TFEC: variants seen among roughly 807,000 people sequenced by gnomAD.
TFEC encodes class E basic helix-loop-helix protein 34.
Under a neutral mutation model 41.6 loss-of-function variants are expected in TFEC, and 31 were observed. The observed-to-expected ratio is 0.74, with a 90% CI of 0.56 to 1.01. The LOEUF (loss-of-function observed/expected upper bound fraction) is 1.01, where lower values mean the gene tolerates loss of function less well. TFEC is among the 50% of genes least tolerant of loss of function. The pLI, the probability that TFEC is intolerant of heterozygous loss-of-function variation, is 0.00. For missense variants in TFEC, 402 were observed against 404.1 expected (o/e 0.99, Z 0.04); for synonymous variants, 143 against 140.6 (o/e 1.02, Z -0.12).
Position 116,122,591 on chromosome 7 carries a change from A to C in TFEC, c.-68-10553T>G, listed in dbSNP as rs1007517420. Among the ~76,000 whole-genome samples, 4 of 152,066 alleles carry C rather than the reference A, an allele frequency of 2.6e-5. No homozygotes were observed. The East Asian group carries it at 7.7e-4, about 29-fold the overall frequency. ...TCAACAAGCATTGGCAGTGTCTGCT[A>C]TGTACCAGGCCCTTTAGCAAGTTAT... On this transcript the variant is annotated intron_variant, in intron 1 of 8. Transcript: ENST00000484212.
rs191308462 is a variant in TFEC at position 115,993,380 on chromosome 7, T to G, written c.-72-8867A>C. On this transcript the variant is annotated intron_variant, in intron 1 of 7. Transcript: ENST00000265440. ...AGGACAAACAGGCAGGAGAAAGAAATAAAGGGTATTCAATTAGGAAAAGAG... is the reference window on the plus strand; with the variant it reads ...AGGACAAACAGGCAGGAGAAAGAAAGAAAGGGTATTCAATTAGGAAAAGAG... Among the ~76,000 whole-genome samples, 1,136 of 152,144 alleles carry G rather than the reference T, an allele frequency of 7.5e-3. 14 individuals are homozygous for G. Among genetic ancestry groups the G allele is most frequent in the African/African-American group, 0.025 (1,036 of 41,484 alleles).
intron 3 of TFEC, among the ~76,000 whole-genome samples, chr7:116,053,859 T>C (rs964362876): frequency 6.6e-6 from 1 of 152,224 alleles, no homozygotes; most frequent in Non-Finnish European, 1.5e-5. Context: ...GATATTTTGT[T>C]ATAAGCAACA....
intron 1 of TFEC, among the ~76,000 whole-genome samples, chr7:116,015,364 CT>C (rs908664238): frequency 9.2e-5 from 14 of 152,042 alleles, no homozygotes; most frequent in African/African-American, 3.1e-4. Flanking sequence ...AAAGTTCTCT[CT>C]TTTTCTCCCT....
chr7:116,030,526 A>G (rs1795754141), intron 1 of TFEC, 107 bp downstream of exon 1: 1 of 683,432 alleles, frequency 1.5e-6, no homozygotes. Flanking sequence ...AGATGAAATT[A>G]TAATTATAAG....
chr7:115,956,417 GTGTATATACATGTATATATGTA>G (rs1469482410), intron 4 of TFEC, among the ~76,000 whole-genome samples: 18 of 149,888 alleles, frequency 1.2e-4, no homozygotes, highest in Admixed American at 2.0e-4. Flanking sequence ...GTATATATGT[GTGTATATACATGTATATATGTA>G]TGTAAAACAT....
chr7:116,068,441 T>C (rs766698606), intron 3 of TFEC, among the ~76,000 whole-genome samples: 40 of 151,848 alleles, frequency 2.6e-4, no homozygotes, highest in African/African-American at 7.2e-4. Flanking sequence ...TAGGTAATGA[T>C]GAGGTAAAAA....
chr7:116,066,111 T>G (rs1796689016), intron 3 of TFEC, among the ~76,000 whole-genome samples: 1 of 152,204 alleles, frequency 6.6e-6, no homozygotes, highest in Admixed American at 6.6e-5. Context: ...GCCCTGCTTA[T>G]AGCCTAATGG....
chr7:116,144,695 A>T (rs942934562), intron 1 of TFEC, among the ~76,000 whole-genome samples: 1 of 152,152 alleles, frequency 6.6e-6, no homozygotes, highest in Non-Finnish European at 1.5e-5. Context: ...AAGAAAATTA[A>T]TCTCCATAAT....
intron 3 of TFEC, among the ~76,000 whole-genome samples, chr7:116,108,029 T>A (rs1797760759): frequency 6.6e-6 from 1 of 152,130 alleles, no homozygotes; most frequent in Admixed American, 6.6e-5. Context: ...AAAACAAAGA[T>A]TATAGAACTC....
upstream of TFEC, among the ~76,000 whole-genome samples, chr7:116,034,198 TA>T (rs1795855072): frequency 6.6e-6 from 1 of 152,126 alleles, no homozygotes; most frequent in African/African-American, 2.4e-5. Context: ...TGAAATGTCC[TA>T]AGTCTCAGCC....
At chr7:116,159,485 AT>A (rs375446649) in intron 1 of TFEC, among the ~76,000 whole-genome samples, 2 of 152,018 alleles carry the variant, frequency 1.3e-5, no homozygotes, top group African/African-American at 4.8e-5. Flanking sequence ...ATTTGAAACC[AT>A]TTTGCACAGT....
intron 3 of TFEC, among the ~76,000 whole-genome samples, chr7:116,081,298 C>T (rs941159432): frequency 4.7e-5 from 7 of 150,194 alleles, no homozygotes; most frequent in African/African-American, 1.7e-4. Flanking sequence ...GCACCAAAAT[C>T]TCAGAAATAA....
intron 3 of TFEC, among the ~76,000 whole-genome samples, chr7:116,046,263 TC>T (rs1796161726): frequency 6.6e-6 from 1 of 152,104 alleles, no homozygotes; most frequent in Non-Finnish European, 1.5e-5. Context: ...TTTGGCTGTG[TC>T]CCCACCCAAA....
At chr7:116,066,032 A>T (rs2131006350) in intron 3 of TFEC, among the ~76,000 whole-genome samples, 1 of 152,318 alleles carries the variant, frequency 6.6e-6, no homozygotes, top group East Asian at 1.9e-4. Flanking sequence ...AGCAGTGGAA[A>T]CAATTTAAAG....
intron 1 of TFEC, among the ~76,000 whole-genome samples, chr7:115,998,556 A>AC (rs1416774963): frequency 1.3e-5 from 2 of 152,004 alleles, no homozygotes; most frequent in Non-Finnish European, 2.9e-5. Flanking sequence ...AGTAAAAAAA[A>AC]ACACACAACA....
chr7:116,033,349 T>G (rs1034645351), upstream of TFEC, among the ~76,000 whole-genome samples: 3 of 152,150 alleles, frequency 2.0e-5, no homozygotes, highest in African/African-American at 7.2e-5. Context: ...AATACTTCAC[T>G]TCTCTTTGCC....
At chr7:115,983,624 C>A (rs903882740) in intron 2 of TFEC, among the ~76,000 whole-genome samples, 1 of 152,086 alleles carries the variant, frequency 6.6e-6, no homozygotes, top group Non-Finnish European at 1.5e-5. Flanking sequence ...CAGTTCTATT[C>A]ATACTTCAAC....
intron 1 of TFEC, among the ~76,000 whole-genome samples, chr7:116,021,909 G>A: frequency 6.6e-6 from 1 of 152,174 alleles, no homozygotes; most frequent in East Asian, 1.9e-4. Context: ...TTGTTTAAGA[G>A]AAACAAGTCA....
chr7:116,032,705 G>A (rs1412758224), upstream of TFEC, among the ~76,000 whole-genome samples: 1 of 152,058 alleles, frequency 6.6e-6, no homozygotes, highest in Non-Finnish European at 1.5e-5. Flanking sequence ...GGAGGAGTGA[G>A]AGGATCAGGA....
Sources: gnomAD v4.1 joint callset for allele counts (sites outside exome capture counted in the v4.1 genomes callset) on GRCh38, gnomAD v4.1.1 for gene constraint, MANE v1.5 for transcripts, NCBI Gene and HGNC (gene_info 2026-07-23, HGNC 2026-07-21) for gene names.